RIMS2: variants seen among roughly 807,000 people sequenced by gnomAD.
RIMS2 encodes the protein regulating synaptic membrane exocytosis protein 2.
In RIMS2, 59 loss-of-function variants were observed where a neutral mutation model predicts 174.4. The ratio of observed to expected loss-of-function variants is 0.34; its 90% CI spans 0.27 to 0.42. The LOEUF (loss-of-function observed/expected upper bound fraction) is 0.42. Among genes scored for constraint, RIMS2 ranks in the 10% least tolerant of loss-of-function variants. The pLI, the probability that RIMS2 is intolerant of heterozygous loss-of-function variation, is 1.00. For missense variants in RIMS2, 1,620 were observed against 1,666.3 expected, an observed-to-expected ratio of 0.97 and a Z score of 0.48; for synonymous variants, 606 against 572.5, an observed-to-expected ratio of 1.06 and a Z score of -0.84.
intron 17 of RIMS2, among the ~76,000 whole-genome samples, chr8:104,012,685 A>C (rs1043332577): frequency 6.6e-6 from 1 of 152,140 alleles, no homozygotes; most frequent in African/African-American, 2.4e-5. Flanking sequence ...GGTTCCAGGG[A>C]TAGAAAGGTC....
At chr8:104,206,097 T>C (rs2099078884) in intron 19 of RIMS2, among the ~76,000 whole-genome samples, 1 of 152,178 alleles carries the variant, frequency 6.6e-6, no homozygotes, top group Non-Finnish European at 1.5e-5. Context: ...AAGGAAGTCC[T>C]ATATAATAAA....
chr8:103,614,814 A>G (rs7824905), intron 1 of RIMS2, among the ~76,000 whole-genome samples: 57,334 of 152,126 alleles, frequency 0.38, 11,149 homozygotes, highest in African/African-American at 0.4. Context: ...ATTAACAGCT[A>G]TGTCATATTT....
intron 18 of RIMS2, among the ~76,000 whole-genome samples, 168 bp downstream of exon 20, chr8:104,013,789 G>A (rs899222555): frequency 5.9e-5 from 9 of 152,094 alleles, no homozygotes; most frequent in Non-Finnish European, 1.2e-4. Context: ...GGATATAATA[G>A]TGTGTGGCTA....
chr8:103,508,879 G>A (rs1291731890), intron 1 of RIMS2, among the ~76,000 whole-genome samples: 2 of 152,004 alleles, frequency 1.3e-5, no homozygotes, highest in East Asian at 3.9e-4. Flanking sequence ...ACAGCTGTGT[G>A]TTAAGGGTCA....
At chr8:104,002,307 C>T (rs1032852485) in intron 17 of RIMS2, among the ~76,000 whole-genome samples, 1 of 152,050 alleles carries the variant, frequency 6.6e-6, no homozygotes, top group Non-Finnish European at 1.5e-5. Context: ...TATCTACTTA[C>T]ATATCCAGAA....
At chr8:103,604,154 C>T (rs1260768209) in intron 1 of RIMS2, among the ~76,000 whole-genome samples, 1 of 149,884 alleles carries the variant, frequency 6.7e-6, no homozygotes, top group Non-Finnish European at 1.5e-5. Context: ...AGTCTTTAAT[C>T]CATCTTGAAT....
At chr8:103,972,602 A>C (rs1214352030) in intron 15 of RIMS2, among the ~76,000 whole-genome samples, 1 of 152,074 alleles carries the variant, frequency 6.6e-6, no homozygotes, top group Non-Finnish European at 1.5e-5. Context: ...GTTCTTCATC[A>C]CTTGCTCCAC....
intron 19 of RIMS2, among the ~76,000 whole-genome samples, chr8:104,114,463 G>A (rs527582269): frequency 6.6e-6 from 1 of 152,038 alleles, no homozygotes; most frequent in South Asian, 2.1e-4. Flanking sequence ...AAAAAAGGAA[G>A]ATGACAGTTA....
At chr8:103,518,970 A>G (rs1235204033) in intron 1 of RIMS2, among the ~76,000 whole-genome samples, 3 of 152,142 alleles carry the variant, frequency 2.0e-5, no homozygotes, top group Admixed American at 6.6e-5. Flanking sequence ...TAGGCTTTCT[A>G]TTGCTTTGAA....
chr8:104,236,186 C>T (rs1031483711), intron 19 of RIMS2, among the ~76,000 whole-genome samples: 5 of 151,706 alleles, frequency 3.3e-5, no homozygotes, highest in Admixed American at 1.3e-4. Context: ...TATAGTCCAT[C>T]GATAGACACA....
chr8:103,799,211 C>T (rs2098584654), intron 3 of RIMS2, among the ~76,000 whole-genome samples: 1 of 152,138 alleles, frequency 6.6e-6, no homozygotes, highest in Non-Finnish European at 1.5e-5. Context: ...TAATTTTAGT[C>T]CAATGAGACT....
At chr8:103,526,642 A>C (rs1025881196) in intron 1 of RIMS2, among the ~76,000 whole-genome samples, 3 of 152,226 alleles carry the variant, frequency 2.0e-5, no homozygotes, top group Non-Finnish European at 2.9e-5. Flanking sequence ...AAAGGTAATA[A>C]ATGAAATTAA....
intron 1 of RIMS2, among the ~76,000 whole-genome samples, chr8:103,548,154 T>C (rs1006838004): frequency 6.6e-6 from 1 of 152,164 alleles, no homozygotes; most frequent in African/African-American, 2.4e-5. Context: ...CCTCCTTAAC[T>C]CATTCTATGA....
At chr8:103,736,302 G>C (rs913278700) in intron 2 of RIMS2, among the ~76,000 whole-genome samples, 3 of 152,104 alleles carry the variant, frequency 2.0e-5, no homozygotes, top group African/African-American at 7.2e-5. Context: ...GCAGAACAAT[G>C]TATAATAGAA....
intron 2 of RIMS2, among the ~76,000 whole-genome samples, chr8:103,707,003 G>A (rs1009876182): frequency 6.6e-6 from 1 of 151,748 alleles, no homozygotes; most frequent in Non-Finnish European, 1.5e-5. Context: ...TATCCTATGC[G>A]AATTTTCAAA....
chr8:103,989,246 C>T, intron 16 of RIMS2, 59 bp from the exon 19 acceptor site: 1 of 1,027,926 alleles, frequency 9.7e-7, no homozygotes, highest in Non-Finnish European at 1.5e-6. Flanking sequence ...TAAAATAAAC[C>T]TCGTTTCTTA....
intron 1 of RIMS2, among the ~76,000 whole-genome samples, chr8:103,524,454 C>T (rs981718487): frequency 5.3e-5 from 8 of 152,136 alleles, no homozygotes; most frequent in Admixed American, 2.0e-4. Flanking sequence ...TTAATACATA[C>T]GGAATCAATT....
intron 1 of RIMS2, among the ~76,000 whole-genome samples, chr8:103,609,495 A>C (rs28799635): frequency 0.06 from 9,068 of 152,156 alleles, 891 homozygotes; most frequent in African/African-American, 0.2. Context: ...CAGGCTTTAC[A>C]TTTGACTCTT....
At chr8:103,728,000 T>C (rs573432725) in intron 2 of RIMS2, among the ~76,000 whole-genome samples, 1 of 152,324 alleles carries the variant, frequency 6.6e-6, no homozygotes, top group East Asian at 1.9e-4. Flanking sequence ...AATAGGGATT[T>C]CATTGAATCT....
Sources: gnomAD v4.1 joint callset for allele counts (sites outside exome capture counted in the v4.1 genomes callset) on GRCh38, gnomAD v4.1.1 for gene constraint, MANE v1.5 for transcripts, NCBI Gene and HGNC (gene_info 2026-07-23, HGNC 2026-07-21) for gene names.